Variants in PRMT1 observed in about 807,000 individuals in gnomAD.
The protein encoded by PRMT1 is protein arginine methyltransferase 1.
PRMT1 carries 5 observed loss-of-function variants against 47.4 expected under a neutral mutation model. That is an observed-to-expected ratio of 0.11 (90% CI 0.06 to 0.22). The LOEUF is 0.22. Ranked by LOEUF, PRMT1 falls within the 10% of genes least tolerant of loss-of-function variation. PRMT1 has a pLI of 1.00. For missense variants in PRMT1, 249 were observed against 518.4 expected (o/e 0.48, Z 5.05); for synonymous variants, 227 against 204.6 (o/e 1.11, Z -0.94).
rs2082198397 is a variant in PRMT1 at position 49,685,958 on chromosome 19, G to A, written c.760-135G>A. ...GGATGCAGAGTGAAGGAGGAGCCGA[G>A]GCTGGGTGCCAGTGAGGGAGGGCTA... On this transcript the variant is annotated intron_variant, in intron 8 of 10. Transcript: ENST00000454376. This position sits in a 1 kb window ranked among gnomAD's most constrained non-coding sequence, Gnocchi z 4.7. 2.0e-6 allele frequency: 3 copies of A among 1,475,366 alleles called. No individual in the cohort carries two copies. Among genetic ancestry groups the A allele is most frequent in the Admixed American group, 2.5e-5 (1 of 40,162 alleles). The allele number at this position is 1,475,366 out of a possible 1,614,324, so 91.4% of individuals were successfully genotyped here. A position where few individuals can be genotyped will look rare whatever the true frequency, so the allele number is the denominator to read the frequency against.
chr19:49,687,405 A>AG (rs1163057002), intron 10 of PRMT1, among the ~76,000 whole-genome samples: 2 of 151,782 alleles, frequency 1.3e-5, no homozygotes, highest in Admixed American at 1.3e-4. Flanking sequence ...GATGGGTGCG[A>AG]GGGTGGGTGG....
chr19:49,680,064 T>C lies in PRMT1; in HGVS notation c.90+139T>C, dbSNP rs2089164454. 1 of 1,110,596 alleles carries C rather than the reference T, an allele frequency of 9.0e-7. No individual in the cohort carries two copies. The highest frequency in any genetic ancestry group is 1.3e-6 in the Non-Finnish European group (1 of 751,794). 68.8% of individuals were successfully genotyped at this position (1,110,596 alleles called of 1,614,324 possible). On this transcript the variant is annotated intron_variant, in intron 2 of 10. Transcript: ENST00000454376. The surrounding 1 kb of genome is among the most constrained non-coding windows in gnomAD (Gnocchi z 4.2). ...TTACCCCAGGCCCCCAGACACTTAG[T>C]AGCAACCCCTCCAGGTTCACAGCCC...
In PRMT1 at chr19:49,684,125, C is replaced by T. The variant is rs751407438; in HGVS notation, c.555+56C>T. On this transcript the variant is annotated intron_variant, in intron 6 of 10. Transcript: ENST00000454376. The surrounding 1 kb of genome is among the most constrained non-coding windows in gnomAD (Gnocchi z 6.2). Reference sequence around the variant, plus strand: ...CGTGGGCTGGGGTCCAGGTAGAAGACGAAAACCACGCTCAATTTTTCCCAC... The same window carrying T: ...CGTGGGCTGGGGTCCAGGTAGAAGATGAAAACCACGCTCAATTTTTCCCAC... 1.4e-5 allele frequency: 22 copies of T among 1,600,424 alleles called. No homozygotes were observed. The highest frequency in any genetic ancestry group is 1.8e-4 in the Middle Eastern group (1 of 5,534).
chr19:49,686,941 G>A (rs1353899759), intron 10 of PRMT1, among the ~76,000 whole-genome samples: 1 of 152,134 alleles, frequency 6.6e-6, no homozygotes, highest in Non-Finnish European at 1.5e-5. Context: ...AGGATTGCTT[G>A]AGCATTCACC....
upstream of PRMT1, chr19:49,677,238 G>A: frequency 7.1e-7 from 1 of 1,404,894 alleles, no homozygotes; most frequent in African/African-American, 1.5e-5. Context: ...TGAGGAGAAA[G>A]GGGGGGTCTT....
upstream of PRMT1, chr19:49,677,073 A>G (rs2082045231): frequency 2.4e-6 from 1 of 421,016 alleles, no homozygotes; most frequent in Non-Finnish European, 4.1e-6. Flanking sequence ...TCTGGACGCC[A>G]GAGTTGGCAA....
In PRMT1 at chr19:49,686,190, C is replaced by T; in HGVS notation, c.857C>T (p.Ala286Val). Reference sequence around the variant, plus strand: ...AATGACTACGTGCACGCCCTGGTGGCCTACTTCAACATCGAGTTCACACGC... The same window carrying T: ...AATGACTACGTGCACGCCCTGGTGGTCTACTTCAACATCGAGTTCACACGC... ...KRNDYVHALVAYFNIEFTRCH... is the reference protein window; with the variant it reads ...KRNDYVHALVVYFNIEFTRCH... The change falls in exon 9 of 11, where the codon GCC becomes GTC. Residue 286 changes from alanine (A) to valine (V), a missense_variant. Ala to Val is a moderately conservative substitution (Grantham distance 64). Around this residue, in one of 2 missense-constraint regions of PRMT1, gnomAD observed 190 missense variants for 456.7 expected, o/e 0.42. Transcript: ENST00000454376. The T allele has an allele frequency of 6.2e-7, 1 of 1,613,604 alleles. No homozygotes were observed. Among genetic ancestry groups the T allele is most frequent in the Non-Finnish European group, 8.5e-7 (1 of 1,179,744 alleles).
Position 49,684,660 on chromosome 19 carries a change from G to C in PRMT1, c.556-94G>C, listed in dbSNP as rs2082177763. 7.3e-7 allele frequency: 1 copy of C among 1,373,342 alleles called. No individual in the cohort carries two copies. Among genetic ancestry groups the C allele is most frequent in the African/African-American group, 1.4e-5 (1 of 69,032 alleles). 85.1% of individuals were successfully genotyped at this position (1,373,342 alleles called of 1,614,324 possible). On this transcript the variant is annotated intron_variant, in intron 6 of 10. Coordinates refer to ENST00000454376, the MANE Select transcript of PRMT1 (RefSeq NM_001536.6). This position sits in a 1 kb window ranked among gnomAD's most constrained non-coding sequence, Gnocchi z 6.2. ...TGAGTGCCGCTGCGACATGAGGGTG[G>C]CCCAGACCAGGGCAGGAGGCCACAT...
upstream of PRMT1, chr19:49,677,269 G>A: frequency 7.0e-7 from 1 of 1,421,428 alleles, no homozygotes; most frequent in Non-Finnish European, 9.2e-7. Context: ...GGAGGAGTAG[G>A]TGCGGGTGAA....
At chr19:49,677,220 C>A (rs929797670), upstream of PRMT1, 5 of 1,385,908 alleles carry the variant, frequency 3.6e-6, no homozygotes, top group African/African-American at 6.0e-5. Flanking sequence ...AAGGCGGTCC[C>A]GGGGGAGTGA....
intron 1 of PRMT1, 22 bp downstream of exon 1, chr19:49,677,338 G>A: frequency 1.4e-6 from 2 of 1,389,328 alleles, no homozygotes; most frequent in South Asian, 1.7e-5. Context: ...GAGCGCCGCC[G>A]TGGGCGGGAG....
At chr19:49,686,387 G>A (rs942892457) in intron 9 of PRMT1, 144 bp downstream of exon 9, 26 of 1,281,460 alleles carry the variant, frequency 2.0e-5, no homozygotes, top group South Asian at 4.7e-5. Flanking sequence ...TAGCAGTCAC[G>A]TGGCCTTGGG....
chr19:49,685,599 G>A lies in PRMT1; in HGVS notation c.760-494G>A, dbSNP rs1314341163. ...TGTTGAGCTGGGATGTGTGAGCCGG[G>A]TGAAGCTGGGTGGCTGACCGGGGGA... On this transcript the variant is annotated intron_variant, in intron 8 of 10. Coordinates refer to ENST00000454376, the MANE Select transcript of PRMT1 (RefSeq NM_001536.6). This position sits in a 1 kb window ranked among gnomAD's most constrained non-coding sequence, Gnocchi z 4.7. The A allele has an allele frequency of 9.8e-7, 1 of 1,018,446 alleles. No homozygotes were observed. Among genetic ancestry groups the A allele is most frequent in the Non-Finnish European group, 1.2e-6 (1 of 850,080 alleles). The allele number at this position is 1,018,446 out of a possible 1,614,324, so 63.1% of individuals were successfully genotyped here. A position where few individuals can be genotyped will look rare whatever the true frequency, so the allele number is the denominator to read the frequency against.
chr19:49,686,295 G>A (rs777333242), intron 9 of PRMT1, 52 bp downstream of exon 9: 20 of 1,533,392 alleles, frequency 1.3e-5, no homozygotes, highest in Admixed American at 8.2e-5. Flanking sequence ...GGGCGGAGGC[G>A]CACCCACGTA....
rs1377810384 is a variant in PRMT1, at chr19:49,681,877, C to T, written c.193-33C>T. ...GTTCTCCAGCTGGGGATATGGGGCC[C>T]CTCACGGCGTCTCTGTGCCATTCTT... On this transcript the variant is annotated intron_variant, in intron 3 of 10. Transcript: ENST00000454376. This position sits in a 1 kb window ranked among gnomAD's most constrained non-coding sequence, Gnocchi z 4.4. 8.2e-6 allele frequency: 13 copies of T among 1,593,372 alleles called. No homozygotes were observed. The highest frequency in any genetic ancestry group is 1.1e-5 in the Non-Finnish European group (13 of 1,165,978).
At chr19:49,687,052 C>T (rs1477475996) in intron 10 of PRMT1, among the ~76,000 whole-genome samples, 3 of 152,224 alleles carry the variant, frequency 2.0e-5, no homozygotes, top group Non-Finnish European at 4.4e-5. Context: ...TTGGAGGTGA[C>T]CTCTGTCAGG....
At position 49,682,276 on chromosome 19, in the gene PRMT1, G is replaced by A; in HGVS notation, c.412+17G>A. 6.2e-7 allele frequency: 1 copy of A among 1,611,678 alleles called. No homozygotes were observed. The highest frequency in any genetic ancestry group is 8.5e-7 in the Non-Finnish European group (1 of 1,179,298). ...TAGACCACGGTGAGCCCAGAAAGAG[G>A]ATGGGTTTGTGGGAGTGGAGGGGGT... On this transcript the variant is annotated intron_variant, in intron 5 of 10. Coordinates refer to ENST00000454376, the MANE Select transcript of PRMT1 (RefSeq NM_001536.6).
rs2082169781 is a variant in PRMT1, at chr19:49,684,237, T to A, written c.555+168T>A. Among the ~76,000 whole-genome samples, 1 of 151,702 alleles carries A rather than the reference T, an allele frequency of 6.6e-6. No homozygotes were observed. The highest frequency in any genetic ancestry group is 1.5e-5 in the Non-Finnish European group (1 of 67,908). On this transcript the variant is annotated intron_variant, in intron 6 of 10. Transcript: ENST00000454376. The surrounding 1 kb of genome is among the most constrained non-coding windows in gnomAD (Gnocchi z 6.2). The stretch of plus-strand genomic sequence containing the variant: ...TGTGACAGACCCTGGAGGGAGATGG[T>A]GCGATGTGGGGGAGGTCGTAGGAAC...
In PRMT1 at chr19:49,684,202, C is replaced by A; in HGVS notation, c.555+133C>A. 1 of 1,285,936 alleles carries A rather than the reference C, an allele frequency of 7.8e-7. No individual in the cohort carries two copies. The highest frequency in any genetic ancestry group is 1.1e-6 in the Non-Finnish European group (1 of 920,602). 79.7% of individuals were successfully genotyped at this position (1,285,936 alleles called of 1,614,324 possible). ...CTGCAAGGTGTTAGAAAGCCACAGC[C>A]CAAGCCAGGTGTGACAGACCCTGGA... On this transcript the variant is annotated intron_variant, in intron 6 of 10. Coordinates refer to ENST00000454376, the MANE Select transcript of PRMT1 (RefSeq NM_001536.6). The surrounding 1 kb of genome is among the most constrained non-coding windows in gnomAD (Gnocchi z 6.2).
Sources: allele counts gnomAD v4.1 joint callset (sites outside exome capture counted in the v4.1 genomes callset), GRCh38; gene constraint gnomAD v4.1.1; regional missense constraint gnomAD v4.1.1; non-coding constraint Gnocchi (gnomAD v3.1); transcripts MANE v1.5; gene names NCBI Gene and HGNC (gene_info 2026-07-23, HGNC 2026-07-21).